Variants in COBL observed in about 807,000 individuals in gnomAD.
The protein encoded by COBL is protein cordon-bleu.
Under a neutral mutation model 98.8 loss-of-function variants are expected in COBL, and 51 were observed. That is an observed-to-expected ratio of 0.52 (90% CI 0.41 to 0.65). The LOEUF is 0.65. Ranked by LOEUF, COBL falls within the 30% of genes least tolerant of loss-of-function variation. The pLI is 0.00. For missense variants in COBL, 1,617 were observed against 1,617.5 expected (o/e 1.00, Z 0.01); for synonymous variants, 634 against 651.7 (o/e 0.97, Z 0.41).
At chr7:51,035,010 C>T (rs1490552831) in intron 8 of COBL, 3 of 152,218 alleles carry the variant, frequency 2.0e-5, no homozygotes, top group African/African-American at 7.2e-5. Flanking sequence ...ATGAGGGACA[C>T]AGCTCAGCAC....
chr7:51,037,543 G>A (rs1319123812), intron 8 of COBL, among the ~76,000 whole-genome samples: 1 of 152,216 alleles, frequency 6.6e-6, no homozygotes, highest in Admixed American at 6.5e-5. Context: ...GAAGTCCAGG[G>A]CAGAGCTGTG....
chr7:51,055,887 C>T (rs921093700), intron 7 of COBL, among the ~76,000 whole-genome samples: 3 of 152,240 alleles, frequency 2.0e-5, no homozygotes, highest in Non-Finnish European at 2.9e-5. Context: ...CTGGAGTTAA[C>T]GGACGACCAG....
At chr7:51,089,448 G>C (rs1229489419) in intron 6 of COBL, among the ~76,000 whole-genome samples, 1 of 152,140 alleles carries the variant, frequency 6.6e-6, no homozygotes. Context: ...CTGGGAGATG[G>C]AGGTTGCAGT....
intron 4 of COBL, 124 bp downstream of exon 4, chr7:51,190,726 G>A: frequency 2.7e-6 from 2 of 738,760 alleles, no homozygotes; most frequent in Non-Finnish European, 4.5e-6. Context: ...GACTTGCCTG[G>A]AACTTCATGT....
intron 1 of COBL, among the ~76,000 whole-genome samples, chr7:51,262,426 C>G (rs1397254386): frequency 6.6e-6 from 1 of 152,188 alleles, no homozygotes; most frequent in Non-Finnish European, 1.5e-5. Context: ...GAGAGGAAGT[C>G]AGTAGGACCA....
chr7:51,312,956 AATTT>A (rs1240412990), intron 1 of COBL, among the ~76,000 whole-genome samples: 1 of 152,190 alleles, frequency 6.6e-6, no homozygotes, highest in African/African-American at 2.4e-5. Context: ...CAACTCTTCT[AATTT>A]ATTAGTAAAT....
intron 2 of COBL, among the ~76,000 whole-genome samples, chr7:51,205,653 T>TG (rs987447162): frequency 2.7e-5 from 4 of 150,720 alleles, no homozygotes; most frequent in East Asian, 1.9e-4. Context: ...TTTTGTTTTT[T>TG]TTTTTTTTAC....
chr7:51,170,084 T>C (rs1787700271), intron 5 of COBL, among the ~76,000 whole-genome samples: 1 of 152,348 alleles, frequency 6.6e-6, no homozygotes, highest in Admixed American at 6.5e-5. Flanking sequence ...ATTATATAGA[T>C]GAATTCACTT....
At chr7:51,100,261 T>C (rs1293461728) in intron 6 of COBL, among the ~76,000 whole-genome samples, 1 of 152,228 alleles carries the variant, frequency 6.6e-6, no homozygotes. Context: ...ATGCCACGAT[T>C]TCACTTACTC....
intron 1 of COBL, among the ~76,000 whole-genome samples, chr7:51,272,993 T>C (rs192888893): frequency 1.1e-4 from 17 of 151,434 alleles, no homozygotes; most frequent in Admixed American, 1.1e-3. Context: ...AACAAAAACA[T>C]CCTTCTCTTA....
At chr7:51,200,948 T>C (rs1360713031) in intron 2 of COBL, among the ~76,000 whole-genome samples, 2 of 151,820 alleles carry the variant, frequency 1.3e-5, no homozygotes, top group African/African-American at 4.8e-5. Context: ...ATGAAAAAGG[T>C]TAAAGAAAGG....
chr7:51,268,838 G>A (rs1047750271), intron 1 of COBL, among the ~76,000 whole-genome samples: 11 of 151,602 alleles, frequency 7.3e-5, no homozygotes, highest in African/African-American at 2.4e-4. Context: ...GCTGAGGCAG[G>A]AGAATCGCTC....
At chr7:51,220,080 C>A in intron 1 of COBL, 136 bp from the exon 2 acceptor site, 1 of 709,264 alleles carries the variant, frequency 1.4e-6, no homozygotes, top group Non-Finnish European at 2.3e-6. Context: ...AAATCAATGT[C>A]CCCCAAACAA....
At chr7:51,041,478 CTTTTTTTTTTTTT>C (rs773830122) in intron 8 of COBL, among the ~76,000 whole-genome samples, 1 of 80,024 alleles carries the variant, frequency 1.2e-5, no homozygotes, top group East Asian at 4.1e-4. Context: ...TATTTCTTTC[CTTTTTTTTTTTTT>C]TTTTTTTTTT....
intron 1 of COBL, among the ~76,000 whole-genome samples, chr7:51,302,581 CA>C (rs397888990): frequency 0.018 from 1,227 of 66,566 alleles, 6 homozygotes; most frequent in African/African-American, 0.025. Flanking sequence ...AACTCCGTCT[CA>C]AAAAAAAAAA....
chr7:51,173,509 C>T (rs576286182), intron 5 of COBL, among the ~76,000 whole-genome samples: 19 of 152,142 alleles, frequency 1.2e-4, no homozygotes, highest in Non-Finnish European at 2.6e-4. Flanking sequence ...AATCACTGCC[C>T]AGCTAATTCA....
chr7:51,053,979 G>A (rs1199189242), intron 7 of COBL, among the ~76,000 whole-genome samples: 2 of 152,234 alleles, frequency 1.3e-5, no homozygotes, highest in African/African-American at 2.4e-5. Flanking sequence ...TCAGGATTTC[G>A]AGACCAGCCT....
intron 4 of COBL, among the ~76,000 whole-genome samples, chr7:51,187,294 A>G (rs965142345): frequency 2.8e-5 from 4 of 143,284 alleles, no homozygotes; most frequent in Admixed American, 1.5e-4. Flanking sequence ...GTATATACAT[A>G]TATGTATATG....
At chr7:51,027,064 T>C (rs1787647951) in intron 10 of COBL, among the ~76,000 whole-genome samples, 2 of 152,202 alleles carry the variant, frequency 1.3e-5, no homozygotes, top group Admixed American at 6.5e-5. Flanking sequence ...CCAGAGCCGA[T>C]GTGTGTGTTT....
Sources: allele counts gnomAD v4.1 joint callset (sites outside exome capture counted in the v4.1 genomes callset), GRCh38; gene constraint gnomAD v4.1.1; transcripts MANE v1.5; gene names NCBI Gene and HGNC (gene_info 2026-07-23, HGNC 2026-07-21).